LRP1B: variants seen among roughly 807,000 people sequenced by gnomAD.
LRP1B encodes low-density lipoprotein receptor-related protein 1B.
A neutral mutation model predicts 556.6 loss-of-function variants in LRP1B; 217 were observed. The observed-to-expected ratio is 0.39, with a 90% confidence interval of 0.35 to 0.44. The LOEUF (loss-of-function observed/expected upper bound fraction) is 0.44. LRP1B is among the 20% of genes least tolerant of loss of function. The probability of loss-of-function intolerance (pLI) is 1.00; values close to 1 mark genes in which losing one functional copy is unlikely to be tolerated. For missense variants in LRP1B, 5,053 were observed against 5,620.8 expected, an observed-to-expected ratio of 0.90 and a Z score of 3.23; for synonymous variants, 2,047 against 1,865.8, an observed-to-expected ratio of 1.10 and a Z score of -2.50.
chr2:142,072,137 G>A (rs1270237092), intron 1 of LRP1B, among the ~76,000 whole-genome samples: 1 of 151,852 alleles, frequency 6.6e-6, no homozygotes, highest in East Asian at 1.9e-4. Flanking sequence ...CTAAGCTAAT[G>A]CCTATGTTAG....
rs567866249 is a variant in LRP1B at position 140,444,511 on chromosome 2, A to T, written c.10174+52T>A. 54 of 1,612,716 alleles carry T rather than the reference A, an allele frequency of 3.3e-5. No homozygotes were observed. In the South Asian group the frequency reaches 4.7e-4, roughly 14 times the overall value. ...GTCTGAATTAAAATCACACAGACAT[A>T]ATCAGTTGAAAATTAGACTTATGTT... On this transcript the variant is annotated intron_variant, in intron 64 of 90. Coordinates refer to ENST00000389484, the MANE Select transcript of LRP1B (RefSeq NM_018557.3).
chr2:142,024,282 C>T (rs12617486), intron 1 of LRP1B, among the ~76,000 whole-genome samples: 5,502 of 152,260 alleles, frequency 0.036, 228 homozygotes, highest in East Asian at 0.17. Flanking sequence ...ATCCTAACTC[C>T]TTTTTCAGCA....
At chr2:141,291,372 G>A (rs1685941641) in intron 3 of LRP1B, among the ~76,000 whole-genome samples, 1 of 151,970 alleles carries the variant, frequency 6.6e-6, no homozygotes, top group Non-Finnish European at 1.5e-5. Context: ...TTTTATATAT[G>A]TAATTTGTGT....
intron 66 of LRP1B, among the ~76,000 whole-genome samples, chr2:140,408,137 A>G (rs1406950781): frequency 2.0e-5 from 3 of 151,998 alleles, no homozygotes; most frequent in Admixed American, 2.0e-4. Context: ...ATGAGGACAC[A>G]AAGACATGCA....
intron 41 of LRP1B, among the ~76,000 whole-genome samples, chr2:140,615,299 T>C (rs1398319119): frequency 6.6e-6 from 1 of 152,082 alleles, no homozygotes; most frequent in Non-Finnish European, 1.5e-5. Context: ...TATGGTTTCA[T>C]CCCTGACCCA....
chr2:140,433,809 C>T (rs1558879608), intron 66 of LRP1B, among the ~76,000 whole-genome samples: 1 of 151,066 alleles, frequency 6.6e-6, no homozygotes, highest in Non-Finnish European at 1.5e-5. Flanking sequence ...AATAGTATCA[C>T]TTTATATTTC....
At chr2:141,985,915 A>T (rs1702174228) in intron 1 of LRP1B, among the ~76,000 whole-genome samples, 1 of 152,004 alleles carries the variant, frequency 6.6e-6, no homozygotes, top group Non-Finnish European at 1.5e-5. Context: ...TATAGCTTTG[A>T]TATGAAGTTC....
Position 140,475,249 on chromosome 2 carries a change from T to C in LRP1B, c.9514A>G (p.Lys3172Glu), listed in dbSNP as rs1282966471. Residue 3172 changes from lysine (K) to glutamate (E), a missense_variant, in exon 60 of 91, where the codon AAG (lysine) becomes GAG (glutamate). Physicochemically the swap from Lys to Glu is moderately conservative, Grantham distance 56. Transcript: ENST00000389484. The stretch of plus-strand genomic sequence containing the variant: ...GTTAGTGCCATAGGTCTAGAAATCT[T>C]GGTTTCTATGACAACACTCTGATTG... The part of the protein sequence containing the change: ...GTNQSVVIET[K>E]ISRPMALTID... 1 of 1,611,810 alleles carries C rather than the reference T, an allele frequency of 6.2e-7. No homozygotes were observed. Among genetic ancestry groups the C allele is most frequent in the East Asian group, 2.2e-5 (1 of 44,784 alleles).
chr2:140,457,200 A>C (rs1687139647), intron 61 of LRP1B, among the ~76,000 whole-genome samples: 1 of 152,202 alleles, frequency 6.6e-6, no homozygotes, highest in Non-Finnish European at 1.5e-5. Context: ...GTCTTCACTT[A>C]TCTGACTAAA....
At chr2:141,895,800 T>C (rs1699433362) in intron 1 of LRP1B, among the ~76,000 whole-genome samples, 2 of 152,212 alleles carry the variant, frequency 1.3e-5, no homozygotes, top group African/African-American at 4.8e-5. Flanking sequence ...ACACATTTTA[T>C]GCTGTTGAGA....
chr2:140,263,968 T>C (rs1455834539), intron 86 of LRP1B, among the ~76,000 whole-genome samples: 5 of 152,076 alleles, frequency 3.3e-5, no homozygotes, highest in Admixed American at 2.0e-4. Context: ...CCACAACAAA[T>C]GGGTGGCTTA....
intron 60 of LRP1B, among the ~76,000 whole-genome samples, chr2:140,466,751 A>C (rs1442671679): frequency 1.3e-5 from 2 of 152,224 alleles, no homozygotes; most frequent in African/African-American, 4.8e-5. Context: ...TCCTGAAAAA[A>C]ACAATTTATT....
intron 1 of LRP1B, among the ~76,000 whole-genome samples, chr2:142,051,541 G>A (rs1049920692): frequency 4.6e-5 from 7 of 151,632 alleles, no homozygotes; most frequent in African/African-American, 1.5e-4. Flanking sequence ...ACAGTGGCGC[G>A]ATCTTGGCTC....
chr2:140,329,483 T>TA (rs1680679406), intron 79 of LRP1B, among the ~76,000 whole-genome samples: 1 of 151,994 alleles, frequency 6.6e-6, no homozygotes, highest in African/African-American at 2.4e-5. Context: ...CGTGTTCCTA[T>TA]ATCTAGAAAA....
chr2:141,899,697 T>C (rs998100655), intron 1 of LRP1B, among the ~76,000 whole-genome samples: 13 of 152,128 alleles, frequency 8.5e-5, no homozygotes, highest in Non-Finnish European at 1.5e-4. Context: ...TCTTAAGTTT[T>C]TGTCTTTGGA....
At chr2:141,467,664 TTA>T (rs759740678) in intron 3 of LRP1B, among the ~76,000 whole-genome samples, 6 of 152,188 alleles carry the variant, frequency 3.9e-5, no homozygotes, top group Admixed American at 1.3e-4. Flanking sequence ...CTATTTGTAG[TTA>T]TAGTCATCAA....
chr2:140,877,969 T>TC, intron 25 of LRP1B, among the ~76,000 whole-genome samples: 1 of 152,212 alleles, frequency 6.6e-6, no homozygotes, highest in African/African-American at 2.4e-5. Context: ...GTTCTATGTA[T>TC]ATGGCTTTAA....
intron 3 of LRP1B, among the ~76,000 whole-genome samples, chr2:141,470,984 A>T (rs1682440513): frequency 6.6e-6 from 1 of 152,162 alleles, no homozygotes; most frequent in African/African-American, 2.4e-5. Context: ...TTTGCTTAAT[A>T]TGGCTCCTCA....
chr2:141,729,100 G>A (rs1388338554), intron 2 of LRP1B, among the ~76,000 whole-genome samples: 1 of 152,084 alleles, frequency 6.6e-6, no homozygotes, highest in Non-Finnish European at 1.5e-5. Context: ...TGGGCTTCAG[G>A]CAGATGCTTA....
Sources: gnomAD v4.1 joint callset for allele counts (sites outside exome capture counted in the v4.1 genomes callset) on GRCh38, gnomAD v4.1.1 for gene constraint, MANE v1.5 for transcripts, NCBI Gene and HGNC (gene_info 2026-07-23, HGNC 2026-07-21) for gene names.